KLK5: variants seen among roughly 807,000 people sequenced by gnomAD.
KLK5 encodes kallikrein-5.
In KLK5, 18 loss-of-function variants were observed where a neutral mutation model predicts 24.0. That is an observed-to-expected ratio of 0.75 (90% CI 0.52 to 1.11). KLK5 has a LOEUF of 1.11. Ranked by LOEUF, KLK5 falls within the 50% of genes most tolerant of loss-of-function variation. The probability of loss-of-function intolerance (pLI) is 0.00; values close to 1 mark genes in which losing one functional copy is unlikely to be tolerated. For missense variants in KLK5, 374 were observed against 379.2 expected (o/e 0.99, Z 0.11); for synonymous variants, 140 against 154.0 (o/e 0.91, Z 0.67).
chr19:50,951,519 G>A (rs1397011219), intron 2 of KLK5, among the ~76,000 whole-genome samples: 3 of 152,092 alleles, frequency 2.0e-5, no homozygotes, highest in African/African-American at 7.2e-5. Flanking sequence ...TGATCCGCCT[G>A]CCTCGGCCTC....
intron 3 of KLK5, 141 bp downstream of exon 3, chr19:50,949,712 CAA>C (rs2123571123): frequency 1.5e-6 from 1 of 661,798 alleles, no homozygotes; most frequent in Non-Finnish European, 2.3e-6. Context: ...CCATCCCCAC[CAA>C]CCCTCACCTT....
rs557334768 is a variant in KLK5, at chr19:50,952,780, C to T, written c.-45G>A. The T allele has an allele frequency of 9.0e-4, 561 of 624,522 alleles. 3 individuals carry two copies. The highest frequency in any genetic ancestry group is 5.3e-4 in the Non-Finnish European group (201 of 376,450). 38.7% of individuals were successfully genotyped at this position (624,522 alleles called of 1,614,324 possible). ...CCCAGGTAGAGAGGAACCACAAGGA[C>T]GGGCCACCATCGGCACTGCGCTGAG... On this transcript the variant is annotated 5_prime_UTR_variant, in exon 1 of 6. Coordinates refer to ENST00000336334, the MANE Select transcript of KLK5 (RefSeq NM_012427.5).
chr19:50,945,524 G>T (rs2090624119), intron 5 of KLK5, among the ~76,000 whole-genome samples: 1 of 151,852 alleles, frequency 6.6e-6, no homozygotes, highest in Non-Finnish European at 1.5e-5. Context: ...TGGGCACGGT[G>T]GCTCACACCT....
intron 3 of KLK5, 97 bp downstream of exon 3, chr19:50,949,736 CCAACCCCACTTCCCCGTCCCCA>C: frequency 1.7e-6 from 1 of 594,296 alleles, no homozygotes; most frequent in Non-Finnish European, 2.6e-6. Flanking sequence ...CATGACACCC[CCAACCCCACTTCCCCGTCCCCA>C]CCAGCCCTCA....
intron 2 of KLK5, among the ~76,000 whole-genome samples, chr19:50,952,174 G>A (rs2090692798): frequency 2.0e-5 from 1 of 49,530 alleles, no homozygotes; most frequent in African/African-American, 9.2e-5. Context: ...CGGGACCTCA[G>A]GGACAGGAAC....
chr19:50,948,902 T>C lies in KLK5; in HGVS notation c.549A>G (p.Thr183=), dbSNP rs1246054385. The part of the protein sequence containing the change: ...NVSSHCPSAG[T]KCLVSGWGTT... ...TCCCCCAGCCAGACACCAAGCACTT[T>C]GTCCCAGCAGAGGGACAATGAGAGG... Residue 183 remains threonine (T), a synonymous_variant, in exon 4 of 6, where the codon ACA becomes ACG. Coordinates refer to ENST00000336334, the MANE Select transcript of KLK5 (RefSeq NM_012427.5). 1 of 1,613,952 alleles carries C rather than the reference T, an allele frequency of 6.2e-7. No individual in the cohort carries two copies. Among genetic ancestry groups the C allele is most frequent in the Non-Finnish European group, 8.5e-7 (1 of 1,180,020 alleles).
intron 3 of KLK5, 50 bp downstream of exon 3, chr19:50,949,803 CCA>C: frequency 2.2e-6 from 2 of 919,622 alleles, no homozygotes; most frequent in South Asian, 1.6e-5. Flanking sequence ...TTCCCCACCC[CCA>C]CCCCCACTTC....
intron 2 of KLK5, among the ~76,000 whole-genome samples, chr19:50,950,890 CAAAAA>C (rs10650166): frequency 1.0e-5 from 1 of 99,994 alleles, no homozygotes; most frequent in Non-Finnish European, 1.9e-5. Flanking sequence ...AGACTGTCTC[CAAAAA>C]AAAAAAAAAA....
chr19:50,952,661 C>T lies in KLK5; in HGVS notation c.-4G>A, dbSNP rs762071886. Reference sequence around the variant, plus strand: ...AGGGGGGTCTTGCTGTAGCCATGGCCGCTGCACCTGGATGGGGAATGTCAG... The same window carrying T: ...AGGGGGGTCTTGCTGTAGCCATGGCTGCTGCACCTGGATGGGGAATGTCAG... On this transcript the variant is annotated 5_prime_UTR_variant, in exon 2 of 6. Coordinates refer to ENST00000336334, the MANE Select transcript of KLK5 (RefSeq NM_012427.5). 25 of 1,594,846 alleles carry T rather than the reference C, an allele frequency of 1.6e-5. No individual in the cohort carries two copies. The highest frequency in any genetic ancestry group is 2.3e-5 in the East Asian group (1 of 42,972).
chr19:50,946,224 TGTTA>T (rs1355703344), intron 5 of KLK5, among the ~76,000 whole-genome samples: 1 of 152,270 alleles, frequency 6.6e-6, no homozygotes, highest in Non-Finnish European at 1.5e-5. Context: ...TTTGAGAGGC[TGTTA>T]GTTAACTGCT....
At position 50,948,696 on chromosome 19, in the gene KLK5, G is replaced by C. The variant is rs765128939; in HGVS notation, c.670C>G (p.Gln224Glu). 39 of 1,614,042 alleles carry C rather than the reference G, an allele frequency of 2.4e-5. No individual in the cohort carries two copies. ...GCGCAGAACATGGTGTCATCTATCT[G>C]TCTCGGGTAAGCATCCTCGCACCTT... ...QKRCEDAYPR[Q>E]IDDTMFCAGD... Residue 224 changes from glutamine to glutamate, a missense_variant, in exon 5 of 6, where the codon CAG becomes GAG. Coordinates refer to ENST00000336334, the MANE Select transcript of KLK5 (RefSeq NM_012427.5).
In KLK5 at chr19:50,948,128, T is replaced by A. The variant is rs530767002; in HGVS notation, c.726+512A>T. Among the ~76,000 whole-genome samples, 12 of 152,152 alleles carry A rather than the reference T, an allele frequency of 7.9e-5. 1 individual carries two copies. In the South Asian group the frequency reaches 1.2e-3, roughly 16 times the overall value. ...ACCTGTTTCTTTTTTACTTGTTTTT[T>A]TTTTTCTTTTTGAGACAAAAGTGTC... On this transcript the variant is annotated intron_variant, in intron 5 of 5. Transcript: ENST00000336334.
At chr19:50,950,893 A>AAT (rs970779839) in intron 2 of KLK5, among the ~76,000 whole-genome samples, 2 of 150,678 alleles carry the variant, frequency 1.3e-5, no homozygotes, top group Non-Finnish European at 3.0e-5. Flanking sequence ...CTGTCTCCAA[A>AAT]AAAAAAAAAA....
intron 5 of KLK5, among the ~76,000 whole-genome samples, chr19:50,944,387 C>CG (rs968309105): frequency 8.5e-5 from 13 of 152,074 alleles, no homozygotes; most frequent in Non-Finnish European, 1.2e-4. Context: ...CACATCATTT[C>CG]GGGGGGGTCT....
At chr19:50,949,470 C>T (rs1401635365) in intron 3 of KLK5, among the ~76,000 whole-genome samples, 1 of 151,682 alleles carries the variant, frequency 6.6e-6, no homozygotes, top group African/African-American at 2.4e-5. Context: ...TCCACCCCAG[C>T]CCGATTTTCA....
At chr19:50,946,594 G>C (rs1014241574) in intron 5 of KLK5, among the ~76,000 whole-genome samples, 10 of 150,136 alleles carry the variant, frequency 6.7e-5, no homozygotes, top group African/African-American at 9.8e-5. Context: ...GAGTCTCACT[G>C]TGTTGCCCAG....
intron 2 of KLK5, 124 bp from the exon 3 acceptor site, chr19:50,950,240 G>A (rs1363071690): frequency 1.1e-6 from 1 of 891,098 alleles, no homozygotes; most frequent in Non-Finnish European, 1.7e-6. Context: ...GGCAGGGGCA[G>A]GGCCTGGAGA....
chr19:50,952,340 A>G (rs769934577), intron 2 of KLK5, among the ~76,000 whole-genome samples: 21 of 151,940 alleles, frequency 1.4e-4, no homozygotes, highest in South Asian at 6.3e-4. Flanking sequence ...CACAGCCTCA[A>G]AGGGTCAGTG....
intron 2 of KLK5, 23 bp from the exon 3 acceptor site, chr19:50,950,139 GC>G: frequency 7.9e-6 from 12 of 1,522,094 alleles, no homozygotes; most frequent in Admixed American, 3.5e-5. Flanking sequence ...AATGGGTTGG[GC>G]GGGGCTCAGA....
Sources: gnomAD v4.1 joint callset for allele counts (sites outside exome capture counted in the v4.1 genomes callset) on GRCh38, gnomAD v4.1.1 for gene constraint, MANE v1.5 for transcripts, NCBI Gene and HGNC (gene_info 2026-07-23, HGNC 2026-07-21) for gene names.